Variants in IDO2 observed in about 807,000 individuals in gnomAD.
The protein encoded by IDO2 is indoleamine 2,3-dioxygenase 2.
A neutral mutation model predicts 45.1 loss-of-function variants in IDO2; 46 were observed. The observed-to-expected ratio is 1.02, with a 90% CI of 0.80 to 1.30. IDO2 has a LOEUF of 1.30. IDO2 is among the 50% of genes most tolerant of loss of function. The pLI, the probability that IDO2 is intolerant of heterozygous loss-of-function variation, is 0.00. For missense variants in IDO2, 544 were observed against 491.8 expected (o/e 1.11, Z -1.00); for synonymous variants, 218 against 184.9 (o/e 1.18, Z -1.45).
At chr8:40,011,732 C>T (rs1802313210) in intron 9 of IDO2, among the ~76,000 whole-genome samples, 1 of 152,158 alleles carries the variant, frequency 6.6e-6, no homozygotes, top group Non-Finnish European at 1.5e-5. Context: ...TCACAATAAT[C>T]CAATAAGGGA....
chr8:39,981,140 C>G (rs890574651), intron 4 of IDO2, among the ~76,000 whole-genome samples: 2 of 151,160 alleles, frequency 1.3e-5, no homozygotes, highest in Admixed American at 1.3e-4. Context: ...TGGCTCACTG[C>G]AAGCTCCGCC....
intron 1 of IDO2, among the ~76,000 whole-genome samples, chr8:39,941,079 T>C (rs1419831059): frequency 2.0e-5 from 3 of 151,038 alleles, no homozygotes; most frequent in Non-Finnish European, 3.0e-5. Flanking sequence ...AAAATTAGCT[T>C]GGTGTGGTGG....
intron 8 of IDO2, among the ~76,000 whole-genome samples, chr8:39,997,075 C>T (rs1802056302): frequency 6.6e-6 from 1 of 152,110 alleles, no homozygotes; most frequent in Non-Finnish European, 1.5e-5. Flanking sequence ...ACAGTAAATG[C>T]TAAAACTCTA....
chr8:39,999,156 G>C (rs966416477), intron 8 of IDO2, among the ~76,000 whole-genome samples: 1 of 152,102 alleles, frequency 6.6e-6, no homozygotes, highest in South Asian at 2.1e-4. Context: ...TTCCATGGTT[G>C]CTATTGAGAT....
chr8:39,959,161 G>C (rs1381409830), intron 2 of IDO2, among the ~76,000 whole-genome samples: 1 of 151,112 alleles, frequency 6.6e-6, no homozygotes, highest in East Asian at 1.9e-4. Context: ...CCAGGCTGGA[G>C]TGCAGTGGTG....
intron 2 of IDO2, among the ~76,000 whole-genome samples, chr8:39,955,339 C>T (rs566017069): frequency 4.2e-4 from 61 of 144,746 alleles, no homozygotes; most frequent in Non-Finnish European, 7.9e-4. Context: ...ACTGAAACCT[C>T]TGCCTCCTGG....
chr8:40,011,560 C>T (rs1035225719), intron 9 of IDO2, among the ~76,000 whole-genome samples: 2 of 152,120 alleles, frequency 1.3e-5, no homozygotes, highest in African/African-American at 2.4e-5. Context: ...GAAGCAAATA[C>T]AAATTGGAAA....
intron 1 of IDO2, among the ~76,000 whole-genome samples, chr8:39,935,686 G>A (rs770140297): frequency 1.3e-5 from 2 of 152,154 alleles, no homozygotes; most frequent in African/African-American, 4.8e-5. Context: ...CTGACCTCAA[G>A]TGATCCACCT....
At chr8:39,975,057 C>T (rs908055053) in intron 3 of IDO2, among the ~76,000 whole-genome samples, 4 of 151,792 alleles carry the variant, frequency 2.6e-5, no homozygotes, top group African/African-American at 4.8e-5. Flanking sequence ...TGCAGTGAGC[C>T]GAGATCGTGC....
At chr8:39,968,095 C>A (rs1435404220) in intron 3 of IDO2, among the ~76,000 whole-genome samples, 1 of 126,574 alleles carries the variant, frequency 7.9e-6, no homozygotes, top group Admixed American at 8.0e-5. Context: ...AAAAAAAAAT[C>A]TGGAAGAAAA....
At chr8:39,954,304 C>A (rs968074360) in intron 2 of IDO2, among the ~76,000 whole-genome samples, 3 of 152,168 alleles carry the variant, frequency 2.0e-5, no homozygotes, top group African/African-American at 7.2e-5. Flanking sequence ...CTATTCAACT[C>A]ACAAATCCCA....
At chr8:39,998,962 G>A (rs1251835382) in intron 8 of IDO2, among the ~76,000 whole-genome samples, 1 of 151,720 alleles carries the variant, frequency 6.6e-6, no homozygotes, top group African/African-American at 2.4e-5. Context: ...TGCTTCTAAA[G>A]TTTGCCCTCA....
chr8:39,954,001 C>G (rs1807851463), intron 2 of IDO2, among the ~76,000 whole-genome samples: 1 of 152,202 alleles, frequency 6.6e-6, no homozygotes, highest in African/African-American at 2.4e-5. Flanking sequence ...TTCTCTCTCT[C>G]TAGTTTCAAC....
chr8:39,963,762 T>C lies in IDO2; in HGVS notation c.195+59T>C, dbSNP rs1467096897. The C allele has an allele frequency of 1.5e-5, 15 of 1,020,780 alleles. No homozygotes were observed. In the East Asian group the frequency reaches 3.7e-4, roughly 25 times the overall value. The allele number at this position is 1,020,780 out of a possible 1,614,324, so 63.2% of individuals were successfully genotyped here. Reference sequence around the variant, plus strand: ...TTTTCATCATCATACCACTTTTCTTTCTTAGCCTTGTGGAAGTGTGTCAAT... The same window carrying C: ...TTTTCATCATCATACCACTTTTCTTCCTTAGCCTTGTGGAAGTGTGTCAAT... On this transcript the variant is annotated intron_variant, in intron 3 of 10. Transcript: ENST00000502986.
chr8:39,939,930 C>G (rs147917841), intron 1 of IDO2, among the ~76,000 whole-genome samples: 1,511 of 146,532 alleles, frequency 0.01, 35 homozygotes, highest in African/African-American at 0.036. Context: ...TATTTTCTTT[C>G]CTTTTTCTAA....
intron 10 of IDO2, 68 bp downstream of exon 10, chr8:40,013,781 C>T (rs375731826): frequency 2.5e-5 from 9 of 361,560 alleles, no homozygotes; most frequent in Non-Finnish European, 3.8e-5. Flanking sequence ...TTTTTTTTTC[C>T]AATTGATAAA....
In IDO2 at chr8:39,940,252, C is replaced by G. The variant is rs541428913; in HGVS notation, c.-18+5034C>G. 9.2e-5 allele frequency among the ~76,000 whole-genome samples: 14 copies of G among 152,274 alleles called. No homozygotes were observed. In the East Asian group the frequency reaches 1.7e-3, roughly 19 times the overall value. On this transcript the variant is annotated intron_variant, in intron 1 of 10. Transcript: ENST00000502986. ...GCAGTACAAAGTTCTACCGGACACG[C>G]AGATCCCGGTCCTACAAATATGAGG...
chr8:39,943,466 G>A (rs7814801), intron 1 of IDO2, among the ~76,000 whole-genome samples: 2,119 of 151,028 alleles, frequency 0.014, 64 homozygotes, highest in African/African-American at 0.049. Flanking sequence ...GGCCGGGCGC[G>A]GTGGCTCAAG....
At chr8:39,976,255 G>A (rs1296666222) in intron 3 of IDO2, among the ~76,000 whole-genome samples, 2 of 152,162 alleles carry the variant, frequency 1.3e-5, no homozygotes, top group African/African-American at 2.4e-5. Context: ...GAGATTACAG[G>A]TGTGAGTCAC....
Sources: gnomAD v4.1 joint callset for allele counts (sites outside exome capture counted in the v4.1 genomes callset) on GRCh38, gnomAD v4.1.1 for gene constraint, MANE v1.5 for transcripts, NCBI Gene and HGNC (gene_info 2026-07-23, HGNC 2026-07-21) for gene names.